DDX23: variants seen among roughly 807,000 people sequenced by gnomAD.
DDX23 encodes the protein DEAD-box helicase 23.
Under a neutral mutation model 102.7 loss-of-function variants are expected in DDX23, and 33 were observed. The ratio of observed to expected loss-of-function variants is 0.32; its 90% CI spans 0.24 to 0.43. The LOEUF (loss-of-function observed/expected upper bound fraction) is 0.43. Among genes scored for constraint, DDX23 ranks in the 20% least tolerant of loss-of-function variants. DDX23 has a pLI of 1.00. For synonymous variants in DDX23, 352 were observed against 376.0 expected (o/e 0.94, Z 0.74); for missense variants, 549 against 1,086.6 (o/e 0.51, Z 6.96).
At chr12:48,851,955 T>C (rs1938767525) in intron 1 of DDX23, 129 bp downstream of exon 1, 2 of 152,514 alleles carry the variant, frequency 1.3e-5, no homozygotes, top group Admixed American at 6.5e-5. Flanking sequence ...CGCCCGAGCT[T>C]CCCGGGTTCA....
rs752992131 is a variant in DDX23 at position 48,833,228 on chromosome 12, AC to A, written c.1803+48del. On this transcript the variant is annotated intron_variant, in intron 13 of 16. Transcript: ENST00000308025. ...TCAAACTCCTGAGCTCAAGTGATCCACCCGCCTTGGCCTGTCCAACTTTTCC... is the reference window on the plus strand; with the variant it reads ...TCAAACTCCTGAGCTCAAGTGATCCACCGCCTTGGCCTGTCCAACTTTTCC... 29 of 1,606,046 alleles carry A rather than the reference AC, an allele frequency of 1.8e-5. No homozygotes were observed. In the African/African-American group the frequency reaches 3.6e-4, roughly 20 times the overall value.
In DDX23 at chr12:48,830,188, G is replaced by T. The variant is rs1029571233; in HGVS notation, c.*281C>A. ...GCCAACTGGCTGCCCCCATAGCCTG[G>T]CATGAGCTGATGGCCCAGTGCAATC... On this transcript the variant is annotated 3_prime_UTR_variant, in exon 17 of 17. Transcript: ENST00000308025. This position sits in a 1 kb window ranked among gnomAD's most constrained non-coding sequence, Gnocchi z 4.9. 8.2e-5 allele frequency: 47 copies of T among 575,456 alleles called. No homozygotes were observed. The highest frequency in any genetic ancestry group is 7.9e-4 in the African/African-American group (43 of 54,540). The allele number at this position is 575,456 out of a possible 1,614,324, so 35.6% of individuals were successfully genotyped here. A position where few individuals can be genotyped will look rare whatever the true frequency, so the allele number is the denominator to read the frequency against.
At chr12:48,843,593 G>C (rs1394727555) in intron 3 of DDX23, among the ~76,000 whole-genome samples, 3 of 144,442 alleles carry the variant, frequency 2.1e-5, no homozygotes, top group South Asian at 4.3e-4. Context: ...CTGTCGCCCA[G>C]GCTGGAGTGC....
intron 5 of DDX23, 125 bp downstream of exon 5, chr12:48,839,719 C>G (rs1938519241): frequency 2.1e-6 from 2 of 942,482 alleles, no homozygotes; most frequent in Admixed American, 2.6e-5. Flanking sequence ...CCTGCTGACA[C>G]TCCGCTCTCA....
At chr12:48,831,776 C>A in intron 15 of DDX23, 1 of 479,282 alleles carries the variant, frequency 2.1e-6, no homozygotes, top group African/African-American at 1.9e-5. Flanking sequence ...CAGTTTTCAC[C>A]TACTCTTTTC....
rs1458991451 is a variant in DDX23, at chr12:48,830,704, G to A, written c.2240-12C>T. ...GCGGTGGATGTAATCTGGGGAATGG[G>A]AAGAACGTCACTCAGCATAGCCCAG... On this transcript the variant is annotated splice_polypyrimidine_tract_variant and intron_variant, in intron 16 of 16. Transcript: ENST00000308025. The surrounding 1 kb of genome is among the most constrained non-coding windows in gnomAD (Gnocchi z 4.9). 6.3e-7 allele frequency: 1 copy of A among 1,593,710 alleles called. No individual in the cohort carries two copies. The highest frequency in any genetic ancestry group is 1.2e-5 in the South Asian group (1 of 86,600).
chr12:48,849,861 C>T (rs1436070089), intron 1 of DDX23, among the ~76,000 whole-genome samples: 1 of 152,290 alleles, frequency 6.6e-6, no homozygotes, highest in East Asian at 1.9e-4. Context: ...CATGCCCCTT[C>T]GCTCCTGCCT....
intron 5 of DDX23, 25 bp from the exon 6 acceptor site, chr12:48,838,105 A>G: frequency 1.9e-6 from 3 of 1,613,788 alleles, no homozygotes; most frequent in Non-Finnish European, 2.5e-6. Flanking sequence ...GGAACTGTCA[A>G]CAAAGGATCT....
intron 8 of DDX23, 108 bp from the exon 9 acceptor site, chr12:48,837,145 C>A (rs1419990286): frequency 1.2e-5 from 18 of 1,563,708 alleles, no homozygotes; most frequent in Non-Finnish European, 1.5e-5. Context: ...GGTCTTTCTT[C>A]CACCAGAGGG....
Position 48,831,185 on chromosome 12 carries a change from A to G in DDX23, c.2196T>C (p.Asp732=). The G allele has an allele frequency of 6.2e-7, 1 of 1,614,204 alleles. No individual in the cohort carries two copies. The highest frequency in any genetic ancestry group is 1.6e-4 in the Middle Eastern group (1 of 6,062). The change falls in exon 16 of 17, where the codon GAT becomes GAC. Residue 732 remains aspartate (D), a synonymous_variant. Coordinates refer to ENST00000308025, the MANE Select transcript of DDX23 (RefSeq NM_004818.3). ...DVAGRGIDIQ[D]VSMVVNYDMA... The stretch of plus-strand genomic sequence containing the variant: ...TATCATAGTTGACAACCATAGACAC[A>G]TCTTGGATGTCAATACCACGACCAG...
In DDX23 at chr12:48,830,045, G is replaced by A; in HGVS notation, c.*424C>T. ...ACTGTCTGTAATCCTCATGGTGCCAGGTCTCCTGGGGCATCTAGGGCAATG... is the reference window on the plus strand; with the variant it reads ...ACTGTCTGTAATCCTCATGGTGCCAAGTCTCCTGGGGCATCTAGGGCAATG... On this transcript the variant is annotated 3_prime_UTR_variant, in exon 17 of 17. Transcript: ENST00000308025. The surrounding 1 kb of genome is among the most constrained non-coding windows in gnomAD (Gnocchi z 4.9). The A allele has an allele frequency of 2.7e-6, 1 of 366,146 alleles. No individual in the cohort carries two copies. Among genetic ancestry groups the A allele is most frequent in the Non-Finnish European group, 5.4e-6 (1 of 186,618 alleles). The allele number at this position is 366,146 out of a possible 1,614,324, so 22.7% of individuals were successfully genotyped here.
chr12:48,843,547 C>CTTTTT (rs757724499), intron 3 of DDX23, among the ~76,000 whole-genome samples: 7 of 117,514 alleles, frequency 6.0e-5, no homozygotes, highest in South Asian at 2.7e-4. Context: ...TTCTTTCTTT[C>CTTTTT]TTTTTTTTTT....
Position 48,839,912 on chromosome 12 carries a change from G to A in DDX23, c.415-3C>T, listed in dbSNP as rs1230426320. ...TCCTCCAGGGATAATGGCTGGGCCT[G>A]AAGATAAAACAGAACTTTAGTCTAT... On this transcript the variant is annotated splice_polypyrimidine_tract_variant and splice_region_variant and intron_variant, in intron 4 of 16. Transcript: ENST00000308025. 1.2e-6 allele frequency: 2 copies of A among 1,614,136 alleles called. No homozygotes were observed. The highest frequency in any genetic ancestry group is 4.5e-5 in the East Asian group (2 of 44,884).
At chr12:48,844,425 T>C (rs1388376270) in intron 2 of DDX23, among the ~76,000 whole-genome samples, 1 of 152,044 alleles carries the variant, frequency 6.6e-6, no homozygotes, top group Admixed American at 6.6e-5. Flanking sequence ...ATTACAGATG[T>C]GCACCACCAT....
In DDX23 at chr12:48,836,637, T is replaced by C; in HGVS notation, c.1168A>G (p.Ile390Val). 6.2e-7 allele frequency: 1 copy of C among 1,614,198 alleles called. No homozygotes were observed. The highest frequency in any genetic ancestry group is 8.5e-7 in the Non-Finnish European group (1 of 1,180,030). The change falls in exon 10 of 17, where the codon ATC becomes GTC. Residue 390 changes from isoleucine to valine, a missense_variant. Coordinates refer to ENST00000308025, the MANE Select transcript of DDX23 (RefSeq NM_004818.3). This position sits in a 1 kb window ranked among gnomAD's most constrained non-coding sequence, Gnocchi z 6.1. The part of the protein sequence containing the change: ...TTKGGKIPNP[I>V]RSWKDSSLPP... ...AGAGAAGAGTCTTTCCAGGATCGGA[T>C]GGGATTGGGGATCTTGCCACCTTTG...
intron 1 of DDX23, among the ~76,000 whole-genome samples, chr12:48,846,581 C>G (rs558622151): frequency 4.3e-4 from 65 of 152,310 alleles, no homozygotes; most frequent in Non-Finnish European, 6.5e-4. Context: ...AGTGGAGAAA[C>G]ACACTTTTAC....
chr12:48,836,032 A>T lies in DDX23; in HGVS notation c.1382+89T>A. ...AATAAAGAAGAAAGCTTCTGATTAT[A>T]GACGTAAAACAAAAATCAAACATTC... On this transcript the variant is annotated intron_variant, in intron 11 of 16. Transcript: ENST00000308025. The surrounding 1 kb of genome is among the most constrained non-coding windows in gnomAD (Gnocchi z 6.1). 7.2e-7 allele frequency: 1 copy of T among 1,395,556 alleles called. No homozygotes were observed. Among genetic ancestry groups the T allele is most frequent in the Non-Finnish European group, 1.0e-6 (1 of 999,932 alleles). 86.4% of individuals were successfully genotyped at this position (1,395,556 alleles called of 1,614,324 possible). A position where few individuals can be genotyped will look rare whatever the true frequency, so the allele number is the denominator to read the frequency against.
rs1157810345 is a variant in DDX23 at position 48,832,066 on chromosome 12, T to A, written c.2064+12A>T. 1 of 1,613,332 alleles carries A rather than the reference T, an allele frequency of 6.2e-7. No homozygotes were observed. The highest frequency in any genetic ancestry group is 1.3e-5 in the African/African-American group (1 of 74,830). On this transcript the variant is annotated intron_variant, in intron 15 of 16. Transcript: ENST00000308025. This position sits in a 1 kb window ranked among gnomAD's most constrained non-coding sequence, Gnocchi z 4.4. ...ACAGAGGCTAGACTTTGTTCTCCCC[T>A]GCCAGACACACCCCCATCTTCTCCA...
intron 11 of DDX23, chr12:48,835,128 C>A: frequency 4.5e-6 from 1 of 221,312 alleles, no homozygotes; most frequent in Non-Finnish European, 9.5e-6. Context: ...ACCTGTAATC[C>A]CAGCTACTTG....
Sources: allele counts gnomAD v4.1 joint callset (sites outside exome capture counted in the v4.1 genomes callset), GRCh38; gene constraint gnomAD v4.1.1; non-coding constraint Gnocchi (gnomAD v3.1); transcripts MANE v1.5; gene names NCBI Gene and HGNC (gene_info 2026-07-23, HGNC 2026-07-21).